The following COL25A1 variants were observed in gnomAD, a reference collection of about 807,000 sequenced individuals.
COL25A1 encodes collagen alpha-1(XXV) chain.
A neutral mutation model predicts 128.4 loss-of-function variants in COL25A1; 103 were observed. The observed-to-expected ratio is 0.80, with a 90% CI of 0.68 to 0.94. COL25A1 has a LOEUF of 0.94. COL25A1 is among the 40% of genes least tolerant of loss of function. The pLI is 0.00. For missense variants in COL25A1, 745 were observed against 840.0 expected, an observed-to-expected ratio of 0.89 and a Z score of 1.40; for synonymous variants, 279 against 277.2, an observed-to-expected ratio of 1.01 and a Z score of -0.06.
At chr4:109,056,463 T>C (rs542626922) in intron 3 of COL25A1, among the ~76,000 whole-genome samples, 9 of 152,146 alleles carry the variant, frequency 5.9e-5, no homozygotes, top group South Asian at 2.1e-4. Context: ...AATAAAAATA[T>C]GAAATATTTA....
intron 3 of COL25A1, among the ~76,000 whole-genome samples, chr4:109,200,680 G>A (rs1288277051): frequency 6.6e-6 from 1 of 152,098 alleles, no homozygotes; most frequent in East Asian, 1.9e-4. Flanking sequence ...TCCAACTCTT[G>A]AGCTCAAGTG....
intron 32 of COL25A1, among the ~76,000 whole-genome samples, chr4:108,831,059 T>C (rs1733036540): frequency 6.6e-6 from 1 of 152,196 alleles, no homozygotes. Flanking sequence ...GTACAGCTTG[T>C]ACTATTTGTA....
intron 11 of COL25A1, among the ~76,000 whole-genome samples, chr4:108,934,049 G>T (rs1325660487): frequency 6.6e-6 from 1 of 152,036 alleles, no homozygotes; most frequent in Non-Finnish European, 1.5e-5. Flanking sequence ...ATTTATTGCG[G>T]TACTATTCAC....
intron 8 of COL25A1, among the ~76,000 whole-genome samples, chr4:108,962,907 G>A (rs1750888043): frequency 1.3e-5 from 2 of 152,158 alleles, no homozygotes. Flanking sequence ...AATTACATTT[G>A]AAGTAGGGCC....
chr4:109,242,643 T>C (rs964477875), intron 3 of COL25A1, among the ~76,000 whole-genome samples: 7 of 152,078 alleles, frequency 4.6e-5, no homozygotes, highest in African/African-American at 1.4e-4. Context: ...TTATTTGCAT[T>C]TAGACACCAA....
intron 3 of COL25A1, among the ~76,000 whole-genome samples, chr4:109,216,653 T>A (rs1431453640): frequency 6.6e-6 from 1 of 152,122 alleles, no homozygotes; most frequent in Non-Finnish European, 1.5e-5. Context: ...TATCATAAAC[T>A]GTAAGAGGCA....
chr4:108,889,571 C>T, intron 17 of COL25A1, 130 bp downstream of exon 17: 1 of 792,164 alleles, frequency 1.3e-6, no homozygotes. Context: ...TTTTTGGAAG[C>T]CCAGTTATTG....
At chr4:109,218,360 T>TTTTTG (rs1778178596) in intron 3 of COL25A1, among the ~76,000 whole-genome samples, 2 of 116,668 alleles carry the variant, frequency 1.7e-5, no homozygotes, top group Admixed American at 8.1e-5. Context: ...TTTTGGGGTT[T>TTTTTG]TTTTTTTTTT....
chr4:109,211,075 A>G (rs1777462989), intron 3 of COL25A1, among the ~76,000 whole-genome samples: 1 of 151,866 alleles, frequency 6.6e-6, no homozygotes, highest in South Asian at 2.1e-4. Flanking sequence ...ATCGGGTACT[A>G]TGCTCATTAT....
At chr4:109,177,718 T>G (rs1053240106) in intron 3 of COL25A1, among the ~76,000 whole-genome samples, 1 of 152,226 alleles carries the variant, frequency 6.6e-6, no homozygotes, top group Non-Finnish European at 1.5e-5. Context: ...CTAATGAGGA[T>G]GTGCCAGGAC....
In COL25A1 at chr4:108,941,358, A is replaced by C. The variant is rs1748065683; in HGVS notation, c.564+8T>G. The C allele has an allele frequency of 1.2e-6, 2 of 1,610,716 alleles. No individual in the cohort carries two copies. The highest frequency in any genetic ancestry group is 1.7e-6 in the Non-Finnish European group (2 of 1,177,086). ...AAGAAATCAGACTTCAGCAAGAATAAGCACTACCTTAATCAGGCGGCGTTT... is the reference window on the plus strand; with the variant it reads ...AAGAAATCAGACTTCAGCAAGAATACGCACTACCTTAATCAGGCGGCGTTT... On this transcript the variant is annotated splice_region_variant and intron_variant, in intron 9 of 37. Coordinates refer to ENST00000399132, the MANE Select transcript of COL25A1 (RefSeq NM_198721.4).
chr4:109,208,434 A>G (rs1777186704), intron 3 of COL25A1, among the ~76,000 whole-genome samples: 1 of 151,814 alleles, frequency 6.6e-6, no homozygotes, highest in South Asian at 2.1e-4. Flanking sequence ...CAGAATGTGG[A>G]GAACCCTGAA....
chr4:109,045,018 T>C (rs939720519), intron 5 of COL25A1, among the ~76,000 whole-genome samples: 15 of 152,322 alleles, frequency 9.8e-5, no homozygotes, highest in Middle Eastern at 6.8e-3. Context: ...CTTTTCGTCC[T>C]TCTCCTCCTC....
At chr4:109,199,671 C>G (rs1297994430) in intron 3 of COL25A1, among the ~76,000 whole-genome samples, 1 of 152,102 alleles carries the variant, frequency 6.6e-6, no homozygotes, top group African/African-American at 2.4e-5. Flanking sequence ...TTTACAAACA[C>G]TATGGTTAGC....
At chr4:109,008,232 G>A (rs1013286927) in intron 6 of COL25A1, among the ~76,000 whole-genome samples, 14 of 152,136 alleles carry the variant, frequency 9.2e-5, no homozygotes, top group African/African-American at 3.4e-4. Flanking sequence ...AGCTGTGAAC[G>A]TCAACAGTAA....
intron 3 of COL25A1, among the ~76,000 whole-genome samples, chr4:109,211,883 C>T (rs762874057): frequency 7.9e-5 from 12 of 152,220 alleles, no homozygotes; most frequent in Non-Finnish European, 1.5e-4. Context: ...CACAATGCCT[C>T]GACCTGAAGA....
chr4:109,293,558 G>T (rs886502929), intron 3 of COL25A1, among the ~76,000 whole-genome samples: 1 of 151,214 alleles, frequency 6.6e-6, no homozygotes, highest in Non-Finnish European at 1.5e-5. Flanking sequence ...TTTAAAATGT[G>T]CTGACCACAC....
At chr4:108,957,583 G>A (rs1281701038) in intron 8 of COL25A1, among the ~76,000 whole-genome samples, 1 of 152,154 alleles carries the variant, frequency 6.6e-6, no homozygotes, top group Non-Finnish European at 1.5e-5. Context: ...ATAAATATTT[G>A]TTGAATGAAT....
chr4:109,137,377 T>C (rs907165041), intron 3 of COL25A1, among the ~76,000 whole-genome samples: 1 of 152,218 alleles, frequency 6.6e-6, no homozygotes, highest in Non-Finnish European at 1.5e-5. Flanking sequence ...CAATATCCTG[T>C]ATAAAACTTG....
Sources: gnomAD v4.1 joint callset for allele counts (sites outside exome capture counted in the v4.1 genomes callset) on GRCh38, gnomAD v4.1.1 for gene constraint, MANE v1.5 for transcripts, NCBI Gene and HGNC (gene_info 2026-07-23, HGNC 2026-07-21) for gene names.